CHRND: variants seen among roughly 807,000 people sequenced by gnomAD.
CHRND encodes the protein acetylcholine receptor subunit delta.
Under a neutral mutation model 57.8 loss-of-function variants are expected in CHRND, and 40 were observed. The ratio of observed to expected loss-of-function variants is 0.69; its 90% confidence interval spans 0.54 to 0.90. The LOEUF is 0.90. CHRND is among the 40% of genes least tolerant of loss of function. The pLI, the probability that CHRND is intolerant of heterozygous loss-of-function variation, is 0.00. For synonymous variants in CHRND, 237 were observed against 270.6 expected (o/e 0.88, Z 1.22); for missense variants, 634 against 673.9 (o/e 0.94, Z 0.66).
Position 232,528,280 on chromosome 2 carries a change from C to G in CHRND, c.262C>G (p.Leu88Val), listed in dbSNP as rs180971628. The change falls in exon 4 of 12, where the codon CTG becomes GTG. Residue 88 changes from leucine to valine, a missense_variant. By Grantham distance (32) the Leu-to-Val change is conservative. Coordinates refer to ENST00000258385, the MANE Select transcript of CHRND (RefSeq NM_000751.3). Reference sequence around the variant, plus strand: ...ATTCCAGGGCTGGACAGACAACCGGCTGAAGTGGAATGCTGAAGAATTTGG... The same window carrying G: ...ATTCCAGGGCTGGACAGACAACCGGGTGAAGTGGAATGCTGAAGAATTTGG... ...WIEHGWTDNR[L>V]KWNAEEFGNI... 6.2e-7 allele frequency: 1 copy of G among 1,614,200 alleles called. No individual in the cohort carries two copies. The highest frequency in any genetic ancestry group is 1.7e-5 in the Admixed American group (1 of 60,012).
rs540608043 is a variant in CHRND at position 232,527,371 on chromosome 2, C to T, written c.199-30C>T. On this transcript the variant is annotated intron_variant, in intron 2 of 11. Coordinates refer to ENST00000258385, the MANE Select transcript of CHRND (RefSeq NM_000751.3). ...GTGCGGATAAAAGAATGATATGGCC[C>T]TGAAGGATGGCCCTACCGTCTAATT... 4.0e-5 allele frequency: 64 copies of T among 1,586,496 alleles called. No individual in the cohort carries two copies. The South Asian group carries it at 5.0e-4, about 12-fold the overall frequency.
Position 232,535,267 on chromosome 2 carries a change from T to C in CHRND, c.1509T>C (p.Pro503=). 6.2e-7 allele frequency: 1 copy of C among 1,614,150 alleles called. No individual in the cohort carries two copies. ...ACCAGCCACCACCCCAGCCTTTTCC[T>C]GGGGACCCCTACTCCTACAACGTGC... is the stretch of plus-strand genomic sequence containing the variant. The part of the protein sequence containing the change: ...VYNQPPPQPF[P]GDPYSYNVQD... The change falls in exon 12 of 12, where the codon CCT becomes CCC. Residue 503 remains proline (P), a synonymous_variant. Transcript: ENST00000258385.
rs899418815 is a variant in CHRND, at chr2:232,535,698, ACT to A, written c.*391_*392del. The A allele has an allele frequency of 4.3e-6, 2 of 466,088 alleles. No individual in the cohort carries two copies. The highest frequency in any genetic ancestry group is 2.3e-5 in the Admixed American group (1 of 42,780). 28.9% of individuals were successfully genotyped at this position (466,088 alleles called of 1,614,324 possible). The stretch of plus-strand genomic sequence containing the variant: ...AGAGCAGGCAGGAATCTGCGCCTTC[ACT>A]CTCTGGCCCCTCCAGCCTCCCTCTT... On this transcript the variant is annotated 3_prime_UTR_variant, in exon 12 of 12. Transcript: ENST00000258385.
rs1384049851 is a variant in CHRND at position 232,530,144 on chromosome 2, G to A, written c.820+5G>A. On this transcript the variant is annotated splice_donor_5th_base_variant and intron_variant, in intron 7 of 11. Coordinates refer to ENST00000258385, the MANE Select transcript of CHRND (RefSeq NM_000751.3). Reference sequence around the variant, plus strand: ...TCTTCTACCTACCGGCTGACAGTGAGCCTCCAGGCCCCGTCCCCTGCTCCC... The same window carrying A: ...TCTTCTACCTACCGGCTGACAGTGAACCTCCAGGCCCCGTCCCCTGCTCCC... 2 of 1,613,848 alleles carry A rather than the reference G, an allele frequency of 1.2e-6. No individual in the cohort carries two copies. The highest frequency in any genetic ancestry group is 2.2e-5 in the South Asian group (2 of 91,078).
intron 7 of CHRND, among the ~76,000 whole-genome samples, chr2:232,530,774 G>A (rs1333240104): frequency 1.3e-5 from 2 of 152,130 alleles, no homozygotes; most frequent in African/African-American, 4.8e-5. Context: ...GGCAGGAGGA[G>A]CAATGCCAAT....
At position 232,528,601 on chromosome 2, in the gene CHRND, C is replaced by T; in HGVS notation, c.454C>T (p.Pro152Ser). The change falls in exon 5 of 12, where the codon CCC becomes TCC. Residue 152 changes from proline to serine, a missense_variant. Physicochemically the swap from Pro to Ser is moderately conservative, Grantham distance 74 (BLOSUM62 -1). Coordinates refer to ENST00000258385, the MANE Select transcript of CHRND (RefSeq NM_000751.3). ...LPPAIFRSSC[P>S]ISVTYFPFDW... ...ACCTGCCATCTTCCGCTCCTCCTGCCCCATCTCTGTCACCTATTTCCCCTT... is the reference window on the plus strand; with the variant it reads ...ACCTGCCATCTTCCGCTCCTCCTGCTCCATCTCTGTCACCTATTTCCCCTT... The T allele has an allele frequency of 6.2e-6, 10 of 1,614,194 alleles. No individual in the cohort carries two copies. The highest frequency in any genetic ancestry group is 7.6e-6 in the Non-Finnish European group (9 of 1,180,022).
chr2:232,531,807 C>T (rs956689049), intron 9 of CHRND, 151 bp downstream of exon 9: 2 of 698,192 alleles, frequency 2.9e-6, no homozygotes, highest in Admixed American at 4.1e-5. Context: ...AAAAATTAGC[C>T]AAGTGTGGTG....
At chr2:232,529,382 A>G (rs1691601804) in intron 6 of CHRND, among the ~76,000 whole-genome samples, 2 of 152,010 alleles carry the variant, frequency 1.3e-5, no homozygotes, top group African/African-American at 4.8e-5. Context: ...TGACATCCTC[A>G]TCCCCGATCT....
In CHRND at chr2:232,535,203, T is replaced by C; in HGVS notation, c.1445T>C (p.Val482Ala). 6.2e-7 allele frequency: 1 copy of C among 1,614,128 alleles called. No homozygotes were observed. Among genetic ancestry groups the C allele is most frequent in the Non-Finnish European group, 8.5e-7 (1 of 1,180,006 alleles). ...CTGTTTGTGGTGACGCCTGTCATGG[T>C]GGTGGGCACAGCCTGGATCTTCCTG... ...LCLFVVTPVM[V>A]VGTAWIFLQG... The change falls in exon 12 of 12, where the codon GTG becomes GCG. Residue 482 changes from valine to alanine, a missense_variant. By Grantham distance (64) the Val-to-Ala change is moderately conservative. Transcript: ENST00000258385.
At chr2:232,531,970 A>AAAAAAAAAAAAAAAAAG (rs1391577789) in intron 9 of CHRND, among the ~76,000 whole-genome samples, 7 of 135,216 alleles carry the variant, frequency 5.2e-5, no homozygotes, top group African/African-American at 1.9e-4. Flanking sequence ...AAAAAAAAAA[A>AAAAAAAAAAAAAAAAAG]AAAAGAAATG....
chr2:232,533,669 G>A (rs1037180327), intron 9 of CHRND, among the ~76,000 whole-genome samples: 6 of 152,184 alleles, frequency 3.9e-5, no homozygotes, highest in Admixed American at 2.6e-4. Context: ...CACGAGGTCA[G>A]GAGAGCAAGA....
intron 1 of CHRND, 109 bp downstream of exon 1, chr2:232,526,376 G>T: frequency 2.0e-6 from 3 of 1,512,064 alleles, no homozygotes; most frequent in Non-Finnish European, 1.8e-6. Flanking sequence ...CTCTCCCTGT[G>T]GGGGGCCGCC....
In CHRND at chr2:232,536,109, T is replaced by C; in HGVS notation, c.*797T>C. The C allele has an allele frequency of 4.4e-6, 2 of 454,144 alleles. 1 individual carries two copies. Among genetic ancestry groups the C allele is most frequent in the South Asian group, 3.1e-5 (2 of 64,478 alleles). 28.1% of individuals were successfully genotyped at this position (454,144 alleles called of 1,614,324 possible). On this transcript the variant is annotated 3_prime_UTR_variant, in exon 12 of 12. Transcript: ENST00000258385. ...TTTTATTTGCTAAATCTAGCAACCC[T>C]ATCCCAAAGGCAGCCTCCACTCAAT...
chr2:232,535,525 T>G lies in CHRND; in HGVS notation c.*213T>G. 1 of 729,840 alleles carries G rather than the reference T, an allele frequency of 1.4e-6. No homozygotes were observed. 45.2% of individuals were successfully genotyped at this position (729,840 alleles called of 1,614,324 possible). A position where few individuals can be genotyped will look rare whatever the true frequency, so the allele number is the denominator to read the frequency against. On this transcript the variant is annotated 3_prime_UTR_variant, in exon 12 of 12. Coordinates refer to ENST00000258385, the MANE Select transcript of CHRND (RefSeq NM_000751.3). ...GTCTGAGGGTGGACATCGGCTACAG[T>G]GGGTGGGCAGGACGATTTGGGGGGA...
intron 3 of CHRND, 29 bp from the exon 4 acceptor site, chr2:232,528,233 G>A: frequency 1.2e-6 from 2 of 1,602,082 alleles, no homozygotes; most frequent in Non-Finnish European, 1.7e-6. Context: ...GCTGCAGAGT[G>A]CACTGGTGAC....
In CHRND at chr2:232,527,446, G is replaced by A. The variant is rs751237539; in HGVS notation, c.243+1G>A. 1.6e-5 allele frequency: 26 copies of A among 1,612,562 alleles called. No individual in the cohort carries two copies. Among genetic ancestry groups the A allele is most frequent in the South Asian group, 6.6e-5 (6 of 91,040 alleles). ...CACTACCAATGTGTGGATAGAGCAC[G>A]TAAGAATGCCCCTCCCAGCCGGGCG... On this transcript the variant is annotated splice_donor_variant, in intron 3 of 11. Coordinates refer to ENST00000258385, the MANE Select transcript of CHRND (RefSeq NM_000751.3). LOFTEE classifies it high-confidence loss of function.
Position 232,530,029 on chromosome 2 carries a change from C to T in CHRND, c.710C>T (p.Thr237Ile). Residue 237 changes from threonine (T) to isoleucine (I), a missense_variant, in exon 7 of 12, where the codon ACC (threonine) becomes ATC (isoleucine). Coordinates refer to ENST00000258385, the MANE Select transcript of CHRND (RefSeq NM_000751.3). ...GACAGCCCCAGCCGCCAGGACATCA[C>T]CTTCTACCTCATCATCCGCCGCAAG... ...PLDSPSRQDI[T>I]FYLIIRRKPL... The T allele has an allele frequency of 3.1e-6, 5 of 1,614,108 alleles. No homozygotes were observed. The highest frequency in any genetic ancestry group is 4.2e-6 in the Non-Finnish European group (5 of 1,180,022).
intron 6 of CHRND, among the ~76,000 whole-genome samples, chr2:232,529,220 C>G (rs1691595388): frequency 6.6e-6 from 1 of 152,240 alleles, no homozygotes; most frequent in Non-Finnish European, 1.5e-5. Context: ...CAGGGCCCTC[C>G]CCATGCCTCT....
In CHRND at chr2:232,534,310, A is replaced by C. The variant is rs747534731; in HGVS notation, c.1339A>C (p.Asn447His). The C allele has an allele frequency of 3.7e-6, 6 of 1,614,228 alleles. No homozygotes were observed. Among genetic ancestry groups the C allele is most frequent in the Non-Finnish European group, 5.1e-6 (6 of 1,180,034 alleles). ...TGTGGATGGGGCAAACTTCATTGTT[A>C]ACCACATGAGGGACCAGAACAATTA... is the stretch of plus-strand genomic sequence containing the variant. ...PAVDGANFIV[N>H]HMRDQNNYNE... The change falls in exon 11 of 12, where the codon AAC becomes CAC. Residue 447 changes from asparagine to histidine, a missense_variant. Asn to His is a moderately conservative substitution (Grantham distance 68, BLOSUM62 1). Transcript: ENST00000258385.
Sources: gnomAD v4.1 joint callset for allele counts (sites outside exome capture counted in the v4.1 genomes callset) on GRCh38, gnomAD v4.1.1 for gene constraint, MANE v1.5 for transcripts, NCBI Gene and HGNC (gene_info 2026-07-23, HGNC 2026-07-21) for gene names.